The following MTMR7 variants were observed in gnomAD, a reference collection of about 807,000 sequenced individuals.
The protein encoded by MTMR7 is phosphatidylinositol-3-phosphate phosphatase MTMR7.
Under a neutral mutation model 81.2 loss-of-function variants are expected in MTMR7, and 76 were observed. The ratio of observed to expected loss-of-function variants is 0.94; its 90% CI spans 0.78 to 1.13. MTMR7 has a LOEUF of 1.13. MTMR7 is among the 50% of genes most tolerant of loss of function. The pLI, the probability that MTMR7 is intolerant of heterozygous loss-of-function variation, is 0.00. For synonymous variants in MTMR7, 372 were observed against 289.8 expected, an observed-to-expected ratio of 1.28 and a Z score of -2.88; for missense variants, 1,044 against 820.0, an observed-to-expected ratio of 1.27 and a Z score of -3.34.
chr8:17,367,718 C>G (rs1018472878), intron 3 of MTMR7, among the ~76,000 whole-genome samples: 1 of 152,118 alleles, frequency 6.6e-6, no homozygotes, highest in South Asian at 2.1e-4. Flanking sequence ...TTTAAGTTGC[C>G]TGAATTCAGC....
At chr8:17,333,566 C>T (rs1449810479) in intron 6 of MTMR7, among the ~76,000 whole-genome samples, 1 of 152,134 alleles carries the variant, frequency 6.6e-6, no homozygotes, top group African/African-American at 2.4e-5. Context: ...GAAAGAAAAA[C>T]CAGCCAGGCA....
intron 1 of MTMR7, among the ~76,000 whole-genome samples, chr8:17,375,868 T>C (rs1016055546): frequency 6.6e-6 from 1 of 152,240 alleles, no homozygotes; most frequent in Non-Finnish European, 1.5e-5. Flanking sequence ...ACAGTCACTC[T>C]TGCATTGTTT....
At chr8:17,409,640 C>G (rs1045200347) in intron 1 of MTMR7, among the ~76,000 whole-genome samples, 1 of 152,122 alleles carries the variant, frequency 6.6e-6, no homozygotes, top group African/African-American at 2.4e-5. Flanking sequence ...AGCAGGGGAG[C>G]TTGACATTAA....
intron 1 of MTMR7, among the ~76,000 whole-genome samples, chr8:17,377,244 A>G (rs1030596093): frequency 6.6e-6 from 1 of 152,152 alleles, no homozygotes; most frequent in Non-Finnish European, 1.5e-5. Flanking sequence ...AATGGTTTCA[A>G]CTTCTTATGT....
At chr8:17,412,523 G>A (rs2150591579) in intron 1 of MTMR7, among the ~76,000 whole-genome samples, 1 of 152,320 alleles carries the variant, frequency 6.6e-6, no homozygotes, top group East Asian at 1.9e-4. Flanking sequence ...AACTGAGGAG[G>A]AAGATTTGGT....
chr8:17,351,408 CAG>C (rs1478092794), intron 4 of MTMR7, among the ~76,000 whole-genome samples: 1 of 152,208 alleles, frequency 6.6e-6, no homozygotes, highest in African/African-American at 2.4e-5. Flanking sequence ...TGAGACCAAA[CAG>C]AGAAAATCAA....
Position 17,399,831 on chromosome 8 carries a change from G to C in MTMR7, c.24+13438C>G, listed in dbSNP as rs562472078. Among the ~76,000 whole-genome samples, 8 of 143,724 alleles carry C rather than the reference G, an allele frequency of 5.6e-5. No individual in the cohort carries two copies. The South Asian group carries it at 1.7e-3, about 31-fold the overall frequency. 94.3% of individuals were successfully genotyped at this position (143,724 alleles called of 152,430 possible). On this transcript the variant is annotated intron_variant, in intron 1 of 13. Coordinates refer to ENST00000180173, the MANE Select transcript of MTMR7 (RefSeq NM_004686.5). ...GGCCATCAACAGACAAATGTATAAA[G>C]AAAACATAGTACATATATACAATGG...
chr8:17,298,026 A>ATACTT lies in MTMR7; in HGVS notation c.*1831_*1835dup, dbSNP rs1157195646. The ATACTT allele has an allele frequency of 2.0e-5, 3 of 152,054 alleles. No homozygotes were observed. Among genetic ancestry groups the ATACTT allele is most frequent in the Non-Finnish European group, 2.9e-5 (2 of 67,906 alleles). 9.4% of individuals were successfully genotyped at this position (152,054 alleles called of 1,614,324 possible). A position where few individuals can be genotyped will look rare whatever the true frequency, so the allele number is the denominator to read the frequency against. On this transcript the variant is annotated 3_prime_UTR_variant, in exon 14 of 14. Coordinates refer to ENST00000180173, the MANE Select transcript of MTMR7 (RefSeq NM_004686.5). ...AAAAGCATAGTGCTGTTTGGCATAGATACTTTGTCATTTTTTAAAAAATGT... is the reference window on the plus strand; with the variant it reads ...AAAAGCATAGTGCTGTTTGGCATAGATACTTTACTTTGTCATTTTTTAAAAAATGT...
intron 3 of MTMR7, among the ~76,000 whole-genome samples, chr8:17,364,418 T>C (rs1202128893): frequency 6.6e-6 from 1 of 152,220 alleles, no homozygotes; most frequent in African/African-American, 2.4e-5. Context: ...GTATTTAACA[T>C]TTTTTGTAAC....
intron 3 of MTMR7, among the ~76,000 whole-genome samples, chr8:17,366,626 C>G (rs978660044): frequency 2.0e-5 from 3 of 152,106 alleles, no homozygotes; most frequent in African/African-American, 7.2e-5. Context: ...GTGGCTCACG[C>G]CTGTAATCCC....
At position 17,366,054 on chromosome 8, in the gene MTMR7, G is replaced by A. The variant is rs74890974; in HGVS notation, c.311-4780C>T. On this transcript the variant is annotated intron_variant, in intron 3 of 13. Transcript: ENST00000180173. ...CAGCTCAGTCTCTATTGCTCTCCTC[G>A]GCTCCTTCACTCTCAGATAACCCCA... is the stretch of plus-strand genomic sequence containing the variant. Among the ~76,000 whole-genome samples the A allele has an allele frequency of 7.2e-5, 11 of 152,150 alleles. No homozygotes were observed. The South Asian group carries it at 8.3e-4, about 11-fold the overall frequency.
chr8:17,315,049 G>C (rs867031473), intron 7 of MTMR7, among the ~76,000 whole-genome samples: 2 of 152,212 alleles, frequency 1.3e-5, no homozygotes, highest in Non-Finnish European at 2.9e-5. Context: ...TGGGTAGTCA[G>C]CCGTGGGCTG....
intron 1 of MTMR7, among the ~76,000 whole-genome samples, chr8:17,404,616 AG>A (rs1821524446): frequency 6.6e-6 from 1 of 152,150 alleles, no homozygotes; most frequent in Non-Finnish European, 1.5e-5. Context: ...AATTTTTTAA[AG>A]GGTATTCCTC....
chr8:17,300,992 A>C (rs772679175), intron 13 of MTMR7, among the ~76,000 whole-genome samples: 2 of 152,228 alleles, frequency 1.3e-5, no homozygotes, highest in Non-Finnish European at 2.9e-5. Context: ...CATTACATGG[A>C]TATACCAGAT....
At chr8:17,405,150 C>T (rs912417200) in intron 1 of MTMR7, among the ~76,000 whole-genome samples, 2 of 152,180 alleles carry the variant, frequency 1.3e-5, no homozygotes, top group South Asian at 2.1e-4. Context: ...CTGCGCCCAG[C>T]CTATCAGTTA....
chr8:17,358,352 C>A (rs904989309), intron 4 of MTMR7, among the ~76,000 whole-genome samples: 1 of 152,084 alleles, frequency 6.6e-6, no homozygotes, highest in African/African-American at 2.4e-5. Context: ...ATACACCAAG[C>A]AGATGTCCTT....
intron 4 of MTMR7, among the ~76,000 whole-genome samples, chr8:17,354,583 AATC>A (rs1433365394): frequency 6.6e-6 from 1 of 152,160 alleles, no homozygotes; most frequent in Non-Finnish European, 1.5e-5. Context: ...TTGGTTCTAG[AATC>A]TAAGTTTTGT....
At chr8:17,401,432 G>C (rs768418666) in intron 1 of MTMR7, among the ~76,000 whole-genome samples, 20 of 152,064 alleles carry the variant, frequency 1.3e-4, no homozygotes, top group Middle Eastern at 3.2e-3. Context: ...TGTGGGAAAT[G>C]AGATTTGAGA....
chr8:17,373,278 G>C (rs538051862), intron 1 of MTMR7, 38 bp from the exon 2 acceptor site: 13 of 1,578,704 alleles, frequency 8.2e-6, no homozygotes, highest in Non-Finnish European at 1.1e-5. Context: ...TTACCGTAAA[G>C]CAGAAGAGCA....
Sources: gnomAD v4.1 joint callset for allele counts (sites outside exome capture counted in the v4.1 genomes callset) on GRCh38, gnomAD v4.1.1 for gene constraint, MANE v1.5 for transcripts, NCBI Gene and HGNC (gene_info 2026-07-23, HGNC 2026-07-21) for gene names.